Variants in BCAS3 observed in about 807,000 individuals in gnomAD.
The protein encoded by BCAS3 is BCAS3 microtubule associated cell migration factor, also known as BCAS4/BCAS3 fusion.
Under a neutral mutation model 116.1 loss-of-function variants are expected in BCAS3, and 53 were observed. That is an observed-to-expected ratio of 0.46 (90% confidence interval 0.37 to 0.57). The LOEUF is 0.57. Ranked by LOEUF, BCAS3 falls within the 20% of genes least tolerant of loss-of-function variation. The probability of loss-of-function intolerance (pLI) is 0.00; values close to 1 mark genes in which losing one functional copy is unlikely to be tolerated. For synonymous variants in BCAS3, 391 were observed against 408.2 expected (o/e 0.96, Z 0.51); for missense variants, 917 against 1,165.4 (o/e 0.79, Z 3.10).
chr17:60,697,729 C>T (rs1248271142), intron 4 of BCAS3, among the ~76,000 whole-genome samples: 1 of 151,926 alleles, frequency 6.6e-6, no homozygotes, highest in Non-Finnish European at 1.5e-5. Flanking sequence ...ATGGAAGATT[C>T]ACAGATAAGT....
intron 22 of BCAS3, among the ~76,000 whole-genome samples, chr17:61,268,952 T>TA (rs2049997763): frequency 6.6e-6 from 1 of 152,110 alleles, no homozygotes; most frequent in Non-Finnish European, 1.5e-5. Flanking sequence ...CCTTTTTTTT[T>TA]AAGGCTGAAT....
intron 6 of BCAS3, among the ~76,000 whole-genome samples, chr17:60,796,612 T>C (rs1745075159): frequency 6.6e-6 from 1 of 152,240 alleles, no homozygotes; most frequent in Admixed American, 6.5e-5. Context: ...TTCTCTCTTC[T>C]TTTCTTGGTT....
chr17:61,085,764 A>G lies in BCAS3; in HGVS notation c.2425+1200A>G, dbSNP rs373858583. 9.8e-5 allele frequency among the ~76,000 whole-genome samples: 15 copies of G among 152,322 alleles called. 1 individual carries two copies. In the East Asian group the frequency reaches 2.3e-3, roughly 24 times the overall value. On this transcript the variant is annotated intron_variant, in intron 22 of 23. Coordinates refer to ENST00000407086, the MANE Select transcript of BCAS3 (RefSeq NM_017679.5). ...TCATTGCTTCCCGGCACTGAATGAG[A>G]TATCGAGATAGGGAACTTAAACAAT...
At chr17:61,000,601 C>G (rs2145476286) in intron 15 of BCAS3, among the ~76,000 whole-genome samples, 1 of 152,172 alleles carries the variant, frequency 6.6e-6, no homozygotes, top group East Asian at 1.9e-4. Context: ...ATTATTGATA[C>G]TGCTGTTAAT....
At chr17:60,860,744 G>A (rs537590097) in intron 7 of BCAS3, among the ~76,000 whole-genome samples, 2 of 152,084 alleles carry the variant, frequency 1.3e-5, no homozygotes, top group Admixed American at 6.5e-5. Context: ...TATTGAATAG[G>A]GAGTTTTTTC....
intron 23 of BCAS3, among the ~76,000 whole-genome samples, chr17:61,371,866 A>G (rs936547957): frequency 6.6e-6 from 1 of 152,182 alleles, no homozygotes; most frequent in Non-Finnish European, 1.5e-5. Context: ...GAAGTTTGAG[A>G]AGGTCAGTTT....
At position 61,364,248 on chromosome 17, in the gene BCAS3, T is replaced by C. The variant is rs2058612251; in HGVS notation, c.2426-4079T>C. 6.6e-6 allele frequency among the ~76,000 whole-genome samples: 1 copy of C among 152,208 alleles called. No individual in the cohort carries two copies. Among genetic ancestry groups the C allele is most frequent in the South Asian group, 2.1e-4 (1 of 4,828 alleles). ...GCATGCGAAGAGAGAACAGACCCAC[T>C]ATCAAATTGTGTTTCTCCTGTGTGC... On this transcript the variant is annotated intron_variant, in intron 22 of 23. Transcript: ENST00000407086. This position sits in a 1 kb window ranked among gnomAD's most constrained non-coding sequence, Gnocchi z 5.4.
intron 5 of BCAS3, among the ~76,000 whole-genome samples, chr17:60,743,128 A>AAT (rs1396015460): frequency 2.0e-5 from 3 of 152,038 alleles, no homozygotes; most frequent in African/African-American, 7.2e-5. Context: ...AAAAAAAAAA[A>AAT]AATTTGTAAT....
chr17:61,119,199 CAG>C (rs1439966774), intron 22 of BCAS3, among the ~76,000 whole-genome samples: 1 of 152,086 alleles, frequency 6.6e-6, no homozygotes, highest in Non-Finnish European at 1.5e-5. Context: ...AATCCCCTCT[CAG>C]AGAGGCTTTT....
chr17:60,703,641 G>A (rs1320287829), intron 4 of BCAS3, among the ~76,000 whole-genome samples: 5 of 152,014 alleles, frequency 3.3e-5, no homozygotes, highest in Non-Finnish European at 5.9e-5. Context: ...CTAGCCGGGC[G>A]CGGTGGCTCA....
chr17:61,126,458 A>G lies in BCAS3; in HGVS notation c.2425+41894A>G, dbSNP rs185608224. ...CCTTTTAGTGAAAAACCGAAGGACA[A>G]TAGTCATTATATGATTTTGTATTTT... On this transcript the variant is annotated intron_variant, in intron 22 of 23. Coordinates refer to ENST00000407086, the MANE Select transcript of BCAS3 (RefSeq NM_017679.5). The surrounding 1 kb of genome is among the most constrained non-coding windows in gnomAD (Gnocchi z 4.6). Among the ~76,000 whole-genome samples the G allele has an allele frequency of 1.3e-4, 20 of 152,320 alleles. No homozygotes were observed. Among genetic ancestry groups the G allele is most frequent in the Admixed American group, 1.0e-3 (16 of 15,300 alleles).
intron 22 of BCAS3, among the ~76,000 whole-genome samples, chr17:61,301,173 C>T (rs2144741365): frequency 6.6e-6 from 1 of 152,206 alleles, no homozygotes; most frequent in Non-Finnish European, 1.5e-5. Flanking sequence ...GCCATGCTCA[C>T]TCATGTACAT....
intron 7 of BCAS3, among the ~76,000 whole-genome samples, chr17:60,841,128 A>G (rs994352837): frequency 9.8e-5 from 15 of 152,298 alleles, no homozygotes; most frequent in African/African-American, 3.1e-4. Context: ...GTAGATTTAA[A>G]TGTAGCATAT....
chr17:60,965,707 T>TA (rs765893259), intron 14 of BCAS3, among the ~76,000 whole-genome samples: 21 of 152,242 alleles, frequency 1.4e-4, no homozygotes, highest in Non-Finnish European at 2.5e-4. Flanking sequence ...CCAGAAAAGA[T>TA]ATTTGATATG....
intron 10 of BCAS3, among the ~76,000 whole-genome samples, chr17:60,900,865 C>G (rs929760628): frequency 3.9e-5 from 6 of 151,904 alleles, no homozygotes; most frequent in African/African-American, 1.5e-4. Context: ...AAATTTCTGA[C>G]TTAGTTACTT....
rs980229438 is a variant in BCAS3 at position 61,324,000 on chromosome 17, T to C, written c.2426-44327T>C. Reference sequence around the variant, plus strand: ...GTAAGAACTGTTAGTGTCTGTGAGATGTTTGGGGATTTCCAGCTGGAATCC... The same window carrying C: ...GTAAGAACTGTTAGTGTCTGTGAGACGTTTGGGGATTTCCAGCTGGAATCC... On this transcript the variant is annotated intron_variant, in intron 22 of 23. Transcript: ENST00000407086. The surrounding 1 kb of genome is among the most constrained non-coding windows in gnomAD (Gnocchi z 4.6). Among the ~76,000 whole-genome samples, 12 of 152,242 alleles carry C rather than the reference T, an allele frequency of 7.9e-5. No homozygotes were observed. Among genetic ancestry groups the C allele is most frequent in the African/African-American group, 2.9e-4 (12 of 41,460 alleles).
intron 22 of BCAS3, among the ~76,000 whole-genome samples, chr17:61,216,516 G>GTTTTTTAT: frequency 6.9e-6 from 1 of 145,440 alleles, no homozygotes; most frequent in East Asian, 2.0e-4. Context: ...ATAAGTATGT[G>GTTTTTTAT]TTTATTTTAT....
chr17:60,888,372 C>T (rs1193283061), intron 9 of BCAS3, among the ~76,000 whole-genome samples: 1 of 152,180 alleles, frequency 6.6e-6, no homozygotes, highest in African/African-American at 2.4e-5. Flanking sequence ...TGTAACACCA[C>T]TGTTCACAAG....
At position 61,258,947 on chromosome 17, in the gene BCAS3, G is replaced by C. The variant is rs2048992935; in HGVS notation, c.2426-109380G>C. On this transcript the variant is annotated intron_variant, in intron 22 of 23. Coordinates refer to ENST00000407086, the MANE Select transcript of BCAS3 (RefSeq NM_017679.5). This position sits in a 1 kb window ranked among gnomAD's most constrained non-coding sequence, Gnocchi z 4.7. ...TGTTGCAGTGAGCTTTGAGCTCTTG[G>C]GGATTCTTGTTTTGTTTCTGATTAA... Among the ~76,000 whole-genome samples, 1 of 152,104 alleles carries C rather than the reference G, an allele frequency of 6.6e-6. No individual in the cohort carries two copies. The highest frequency in any genetic ancestry group is 2.1e-4 in the South Asian group (1 of 4,820).
Sources: gnomAD v4.1 joint callset for allele counts (sites outside exome capture counted in the v4.1 genomes callset) on GRCh38, gnomAD v4.1.1 for gene constraint, Gnocchi (gnomAD v3.1) non-coding constraint, MANE v1.5 for transcripts, NCBI Gene and HGNC (gene_info 2026-07-23, HGNC 2026-07-21) for gene names.